Variants in SNX10 observed in about 807,000 individuals in gnomAD.
The protein encoded by SNX10 is sorting nexin-10.
In SNX10, 25 loss-of-function variants were observed where a neutral mutation model predicts 28.5. The observed-to-expected ratio is 0.88, with a 90% confidence interval of 0.64 to 1.22. SNX10 has a LOEUF of 1.22. SNX10 is among the 50% of genes most tolerant of loss of function. The probability of loss-of-function intolerance (pLI) is 0.00; values close to 1 mark genes in which losing one functional copy is unlikely to be tolerated. For missense variants in SNX10, 223 were observed against 242.6 expected, an observed-to-expected ratio of 0.92 and a Z score of 0.54; for synonymous variants, 62 against 81.4, an observed-to-expected ratio of 0.76 and a Z score of 1.28.
At chr7:26,361,142 A>G in intron 3 of SNX10, 81 bp downstream of exon 3, 1 of 1,400,818 alleles carries the variant, frequency 7.1e-7, no homozygotes, top group African/African-American at 1.5e-5. Context: ...GACACTTGTA[A>G]AAGTTTTTCT....
chr7:26,339,866 T>A (rs917430847), intron 1 of SNX10, among the ~76,000 whole-genome samples: 16 of 147,448 alleles, frequency 1.1e-4, no homozygotes, highest in African/African-American at 3.8e-4. Flanking sequence ...TTTTTTTTTT[T>A]AAATAGTTGG....
chr7:26,294,685 G>T (rs2562786), intron 1 of SNX10, among the ~76,000 whole-genome samples: 78,345 of 152,012 alleles, frequency 0.52, 21,302 homozygotes, highest in Admixed American at 0.61. Context: ...CCCAACAAAT[G>T]TGTGTCAGAT....
chr7:26,359,069 G>A (rs1346732968), intron 2 of SNX10, among the ~76,000 whole-genome samples: 3 of 151,972 alleles, frequency 2.0e-5, no homozygotes, highest in Non-Finnish European at 2.9e-5. Context: ...GCCTCCCAAA[G>A]TGCTGGGATT....
chr7:26,370,938 T>C (rs1789504073), intron 5 of SNX10, among the ~76,000 whole-genome samples: 1 of 152,338 alleles, frequency 6.6e-6, no homozygotes, highest in African/African-American at 2.4e-5. Context: ...AACCAGTTTT[T>C]ATTTAAATAT....
intron 1 of SNX10, among the ~76,000 whole-genome samples, chr7:26,311,389 G>C (rs982866531): frequency 6.6e-6 from 1 of 152,178 alleles, no homozygotes; most frequent in South Asian, 2.1e-4. Flanking sequence ...GGGCTCAAGC[G>C]ATTCTCCCGC....
chr7:26,310,762 A>G (rs1001538621), intron 1 of SNX10, among the ~76,000 whole-genome samples: 2 of 151,690 alleles, frequency 1.3e-5, no homozygotes, highest in African/African-American at 2.4e-5. Flanking sequence ...GCTCACTGCA[A>G]GCTCCGCCTC....
chr7:26,311,511 G>T (rs547774851), intron 1 of SNX10, among the ~76,000 whole-genome samples: 1 of 152,122 alleles, frequency 6.6e-6, no homozygotes, highest in Non-Finnish European at 1.5e-5. Flanking sequence ...TGTTGCACTG[G>T]GGGGAGGGAA....
chr7:26,335,856 G>T (rs972329747), intron 1 of SNX10, among the ~76,000 whole-genome samples: 1 of 141,404 alleles, frequency 7.1e-6, no homozygotes, highest in African/African-American at 2.7e-5. Context: ...CCATTCTCCT[G>T]CCTCAGCCTC....
At chr7:26,343,585 G>T (rs1788262649) in intron 1 of SNX10, among the ~76,000 whole-genome samples, 5 of 152,218 alleles carry the variant, frequency 3.3e-5, no homozygotes, top group Admixed American at 3.3e-4. Context: ...GTTGTGTAAT[G>T]GGGCAGAGAG....
chr7:26,305,130 G>A (rs1020070359), intron 1 of SNX10, among the ~76,000 whole-genome samples: 1 of 152,114 alleles, frequency 6.6e-6, no homozygotes, highest in Non-Finnish European at 1.5e-5. Context: ...GGACTTCACT[G>A]GAGTCCCCTG....
At chr7:26,354,572 T>C (rs1788741567) in intron 2 of SNX10, among the ~76,000 whole-genome samples, 1 of 152,190 alleles carries the variant, frequency 6.6e-6, no homozygotes, top group South Asian at 2.1e-4. Context: ...AGTTTTTAAA[T>C]GTTTCACCAT....
chr7:26,367,429 C>T (rs1018900364), intron 5 of SNX10, among the ~76,000 whole-genome samples: 5 of 152,094 alleles, frequency 3.3e-5, no homozygotes, highest in African/African-American at 1.2e-4. Context: ...ATCATTTGTT[C>T]CCCTGTGGTA....
chr7:26,322,016 T>A lies in SNX10; in HGVS notation c.-23-24404T>A, dbSNP rs59470440. On this transcript the variant is annotated intron_variant, in intron 1 of 6. Coordinates refer to ENST00000338523, the MANE Select transcript of SNX10 (RefSeq NM_013322.3). ...CCCATGCCTTTATTCCCCAAGTCCT[T>A]ACTACCCTCCTTCCCATGATGGCAG... is the stretch of plus-strand genomic sequence containing the variant. 2.8e-3 allele frequency among the ~76,000 whole-genome samples: 421 copies of A among 152,282 alleles called. 5 individuals are homozygous for A. Among genetic ancestry groups the A allele is most frequent in the Middle Eastern group, 0.017 (5 of 294 alleles).
intron 1 of SNX10, among the ~76,000 whole-genome samples, chr7:26,320,940 G>A (rs913030149): frequency 6.6e-6 from 1 of 152,146 alleles, no homozygotes; most frequent in Non-Finnish European, 1.5e-5. Context: ...CTTACCAAGG[G>A]GCATTTGGGT....
chr7:26,302,143 A>G (rs1180183779), intron 1 of SNX10, among the ~76,000 whole-genome samples: 1 of 151,636 alleles, frequency 6.6e-6, no homozygotes, highest in African/African-American at 2.4e-5. Flanking sequence ...CTTTTTTTCC[A>G]ATCTCCCTTC....
At chr7:26,312,614 T>G (rs2127997888) in intron 1 of SNX10, among the ~76,000 whole-genome samples, 1 of 152,228 alleles carries the variant, frequency 6.6e-6, no homozygotes, top group African/African-American at 2.4e-5. Context: ...TGAAACCCCG[T>G]CTCTACTAAA....
intron 1 of SNX10, among the ~76,000 whole-genome samples, chr7:26,341,357 G>A (rs142861421): frequency 5.1e-4 from 78 of 152,176 alleles, no homozygotes; most frequent in Non-Finnish European, 9.6e-4. Flanking sequence ...AAGGAGAATG[G>A]GTGGCCATCC....
Position 26,368,776 on chromosome 7 carries a change from G to A in SNX10, c.312-3045G>A, listed in dbSNP as rs542745855. 2.0e-5 allele frequency among the ~76,000 whole-genome samples: 3 copies of A among 152,240 alleles called. No homozygotes were observed. In the South Asian group the frequency reaches 6.2e-4, roughly 32 times the overall value. ...ATAGATCATGAATGTCTTCAATGAA[G>A]ATTTGTAGGTTTTATTTTTTCTTAT... On this transcript the variant is annotated intron_variant, in intron 5 of 6. Transcript: ENST00000338523.
intron 3 of SNX10, among the ~76,000 whole-genome samples, chr7:26,362,257 T>C (rs1411182490): frequency 6.6e-6 from 1 of 152,236 alleles, no homozygotes; most frequent in Non-Finnish European, 1.5e-5. Flanking sequence ...TGGAAAATTA[T>C]GACTATATAA....
Sources: gnomAD v4.1 joint callset for allele counts (sites outside exome capture counted in the v4.1 genomes callset) on GRCh38, gnomAD v4.1.1 for gene constraint, MANE v1.5 for transcripts, NCBI Gene and HGNC (gene_info 2026-07-23, HGNC 2026-07-21) for gene names.